The following RUVBL1 variants were observed in gnomAD, a reference collection of about 807,000 sequenced individuals.
The protein encoded by RUVBL1 is RuvB like AAA ATPase 1, also known as ruvB-like 1.
A neutral mutation model predicts 52.4 loss-of-function variants in RUVBL1; 4 were observed. That is an observed-to-expected ratio of 0.08 (90% CI 0.04 to 0.17). The LOEUF is 0.17. Among genes scored for constraint, RUVBL1 ranks in the 10% least tolerant of loss-of-function variants. The probability of loss-of-function intolerance (pLI) is 1.00; values close to 1 mark genes in which losing one functional copy is unlikely to be tolerated. For missense variants in RUVBL1, 298 were observed against 572.8 expected (o/e 0.52, Z 4.90); for synonymous variants, 217 against 214.4 (o/e 1.01, Z -0.10).
chr3:128,094,988 C>T (rs1414035124), intron 8 of RUVBL1, among the ~76,000 whole-genome samples: 1 of 152,238 alleles, frequency 6.6e-6, no homozygotes, highest in East Asian at 1.9e-4. Context: ...TTACCTGAGC[C>T]GACCTGCCTA....
intron 9 of RUVBL1, among the ~76,000 whole-genome samples, chr3:128,066,322 G>A (rs1941976415): frequency 6.6e-6 from 1 of 152,086 alleles, no homozygotes; most frequent in Non-Finnish European, 1.5e-5. Context: ...TGGCCTCCAG[G>A]CTTTTCTCCA....
Position 128,067,487 on chromosome 3 carries a change from C to T in RUVBL1, c.940-2267G>A, listed in dbSNP as rs1323315427. On this transcript the variant is annotated intron_variant, in intron 9 of 9. Transcript: ENST00000464873. The surrounding 1 kb of genome is among the most constrained non-coding windows in gnomAD (Gnocchi z 4.1). ...TGGCCTTTGCTATTACCTGTCCCCTCCAGAATCTTTTGGCTCCGTGTTAGA... is the reference window on the plus strand; with the variant it reads ...TGGCCTTTGCTATTACCTGTCCCCTTCAGAATCTTTTGGCTCCGTGTTAGA... The T allele has an allele frequency of 6.2e-7, 1 of 1,614,206 alleles. No individual in the cohort carries two copies. Among genetic ancestry groups the T allele is most frequent in the Admixed American group, 1.7e-5 (1 of 60,020 alleles).
chr3:128,144,610 C>T (rs775477733), intron 1 of RUVBL1, among the ~76,000 whole-genome samples: 13 of 152,146 alleles, frequency 8.5e-5, no homozygotes, highest in Non-Finnish European at 1.5e-4. Flanking sequence ...TGGGGCTTTG[C>T]GTGTGCCAGG....
At chr3:128,127,992 G>A (rs780355188), upstream of RUVBL1, among the ~76,000 whole-genome samples, 1 of 150,954 alleles carries the variant, frequency 6.6e-6, no homozygotes, top group Non-Finnish European at 1.5e-5. Flanking sequence ...GTGAGACCCT[G>A]TCTCAAAAAT....
At chr3:128,150,866 A>ATATAT (rs1559841543) in intron 1 of RUVBL1, among the ~76,000 whole-genome samples, 9 of 55,828 alleles carry the variant, frequency 1.6e-4, no homozygotes, top group African/African-American at 7.2e-4. Context: ...ATTATATATT[A>ATATAT]TATATATATA....
chr3:128,067,763 CAGAT>C lies in RUVBL1; in HGVS notation c.940-2547_940-2544del. ...GCAGTTCAGAAGCTTTAAGGGCTGA[CAGAT>C]GGAGTCCAGCAGTAGATCAGCTGTG... On this transcript the variant is annotated intron_variant, in intron 9 of 9. Coordinates refer to the RUVBL1 transcript ENST00000464873. The surrounding 1 kb of genome is among the most constrained non-coding windows in gnomAD (Gnocchi z 4.1). The C allele has an allele frequency of 1.5e-6, 1 of 684,628 alleles. No individual in the cohort carries two copies. The highest frequency in any genetic ancestry group is 2.5e-6 in the Non-Finnish European group (1 of 404,580). The allele number at this position is 684,628 out of a possible 1,614,324, so 42.4% of individuals were successfully genotyped here. A position where few individuals can be genotyped will look rare whatever the true frequency, so the allele number is the denominator to read the frequency against.
intron 1 of RUVBL1, among the ~76,000 whole-genome samples, chr3:128,130,924 A>G (rs1943868611): frequency 6.6e-6 from 1 of 151,480 alleles, no homozygotes; most frequent in East Asian, 2.0e-4. Context: ...TGCTGGGATT[A>G]CAGGCGTGAG....
chr3:128,092,364 T>C (rs1942861508), intron 8 of RUVBL1, among the ~76,000 whole-genome samples: 1 of 151,872 alleles, frequency 6.6e-6, no homozygotes, highest in Non-Finnish European at 1.5e-5. Context: ...TGGACTTCAC[T>C]GAAATTTAAA....
intron 1 of RUVBL1, among the ~76,000 whole-genome samples, chr3:128,136,711 G>GA (rs1209760009): frequency 6.6e-6 from 1 of 151,526 alleles, no homozygotes; most frequent in African/African-American, 2.4e-5. Flanking sequence ...TAAAGGGATG[G>GA]AAAAAATGTT....
chr3:128,108,186 G>A (rs763788655), intron 3 of RUVBL1, among the ~76,000 whole-genome samples: 3 of 152,118 alleles, frequency 2.0e-5, no homozygotes, highest in Non-Finnish European at 4.4e-5. Flanking sequence ...ATTTCTGGTC[G>A]GCTTATTGCT....
At chr3:128,138,926 G>T (rs760225514) in intron 1 of RUVBL1, among the ~76,000 whole-genome samples, 7 of 152,080 alleles carry the variant, frequency 4.6e-5, no homozygotes, top group Non-Finnish European at 1.0e-4. Context: ...GAACTCATTA[G>T]ACAAAGGTGC....
upstream of RUVBL1, chr3:128,124,020 G>A (rs960680134): frequency 2.1e-5 from 12 of 563,684 alleles, no homozygotes; most frequent in Non-Finnish European, 1.1e-5. Context: ...ACCACGCCCC[G>A]GATTTGATCT....
At chr3:128,073,020 AGTCC>A (rs1245533908) in intron 9 of RUVBL1, among the ~76,000 whole-genome samples, 1 of 152,118 alleles carries the variant, frequency 6.6e-6, no homozygotes, top group Non-Finnish European at 1.5e-5. Context: ...GGAGGAAACA[AGTCC>A]GTCCATTTTA....
At chr3:128,135,192 C>T (rs1428333677) in intron 1 of RUVBL1, among the ~76,000 whole-genome samples, 2 of 152,210 alleles carry the variant, frequency 1.3e-5, no homozygotes, top group Non-Finnish European at 2.9e-5. Flanking sequence ...GCAGACTTCT[C>T]AGTGGGAACC....
rs1043230062 is a variant in RUVBL1, at chr3:128,134,769, C to T, written c.-39-15355G>A. On this transcript the variant is annotated intron_variant, in intron 1 of 9. Transcript: ENST00000464873. ...TGAGCTGTGATTGCACCACCGCACT[C>T]CAGCCTGGGTGAGAAACTTTGTCTA... 2.6e-5 allele frequency among the ~76,000 whole-genome samples: 4 copies of T among 151,508 alleles called. No homozygotes were observed. The East Asian group carries it at 7.7e-4, about 29-fold the overall frequency.
upstream of RUVBL1, among the ~76,000 whole-genome samples, chr3:128,126,212 T>TGC (rs1239305098): frequency 9.2e-6 from 1 of 108,920 alleles, no homozygotes; most frequent in Non-Finnish European, 2.0e-5. Flanking sequence ...TGTGTGTGTG[T>TGC]GTGTGTGTGT....
chr3:128,152,379 G>A (rs1944233840), intron 1 of RUVBL1, among the ~76,000 whole-genome samples: 1 of 152,148 alleles, frequency 6.6e-6, no homozygotes, highest in African/African-American at 2.4e-5. Context: ...TCCCATGGTT[G>A]GCTCCTTCTC....
intron 1 of RUVBL1, among the ~76,000 whole-genome samples, chr3:128,152,459 A>G (rs1163191557): frequency 1.3e-5 from 2 of 152,150 alleles, no homozygotes; most frequent in African/African-American, 4.8e-5. Flanking sequence ...GTAGCTGTCC[A>G]TCCTCCCTCT....
chr3:128,125,129 C>T (rs1164702345), upstream of RUVBL1, among the ~76,000 whole-genome samples: 1 of 149,912 alleles, frequency 6.7e-6, no homozygotes, highest in Non-Finnish European at 1.5e-5. Flanking sequence ...ATTCTCCTGC[C>T]TCAGCCTCCC....
Sources: gnomAD v4.1 joint callset for allele counts (sites outside exome capture counted in the v4.1 genomes callset) on GRCh38, gnomAD v4.1.1 for gene constraint, Gnocchi (gnomAD v3.1) non-coding constraint, MANE v1.5 for transcripts, NCBI Gene and HGNC (gene_info 2026-07-23, HGNC 2026-07-21) for gene names.